The following SERPINI1 variants were observed in gnomAD, a reference collection of about 807,000 sequenced individuals.
The protein encoded by SERPINI1 is neuroserpin.
In SERPINI1, 19 loss-of-function variants were observed where a neutral mutation model predicts 41.1. That is an observed-to-expected ratio of 0.46 (90% CI 0.32 to 0.68). The LOEUF (loss-of-function observed/expected upper bound fraction) is 0.68. Ranked by LOEUF, SERPINI1 falls within the 30% of genes least tolerant of loss-of-function variation. The pLI is 0.03. For missense variants in SERPINI1, 460 were observed against 479.2 expected, an observed-to-expected ratio of 0.96 and a Z score of 0.37; for synonymous variants, 138 against 156.6, an observed-to-expected ratio of 0.88 and a Z score of 0.89.
intron 1 of SERPINI1, among the ~76,000 whole-genome samples, chr3:167,762,334 C>T (rs1308883623): frequency 1.3e-5 from 2 of 152,088 alleles, no homozygotes; most frequent in Non-Finnish European, 2.9e-5. Context: ...TAGATCATTA[C>T]CCCTAGGAAA....
intron 1 of SERPINI1, among the ~76,000 whole-genome samples, chr3:167,788,206 C>T (rs1727375582): frequency 1.3e-5 from 2 of 152,128 alleles, no homozygotes; most frequent in South Asian, 4.1e-4. Context: ...GAAGACAGGG[C>T]TTCTGGAACA....
rs1711548666 is a variant in SERPINI1 at position 167,804,395 on chromosome 3, G to A, written c.882-2849G>A. On this transcript the variant is annotated intron_variant, in intron 5 of 8. Coordinates refer to ENST00000446050, the MANE Select transcript of SERPINI1 (RefSeq NM_001122752.2). The stretch of plus-strand genomic sequence containing the variant: ...TGTTGACTATCACGGACTTATCTCT[G>A]TTAAGAGAACAACCTATTGCCTTAA... Among the ~76,000 whole-genome samples, 4 of 152,256 alleles carry A rather than the reference G, an allele frequency of 2.6e-5. No individual in the cohort carries two copies. In the South Asian group the frequency reaches 8.3e-4, roughly 32 times the overall value.
At chr3:167,781,634 C>CTTTT (rs757785091) in intron 1 of SERPINI1, among the ~76,000 whole-genome samples, 30 of 81,742 alleles carry the variant, frequency 3.7e-4, no homozygotes, top group Middle Eastern at 6.8e-3. Context: ...TTCTTTTGGC[C>CTTTT]TTTTTTTTTT....
intron 6 of SERPINI1, among the ~76,000 whole-genome samples, chr3:167,816,343 G>A (rs1712089407): frequency 6.6e-6 from 1 of 152,170 alleles, no homozygotes; most frequent in Admixed American, 6.5e-5. Flanking sequence ...ACAATGCCCG[G>A]CCTATTACAA....
intron 1 of SERPINI1, among the ~76,000 whole-genome samples, chr3:167,744,661 TA>T (rs1267741993): frequency 1.6e-5 from 2 of 121,424 alleles, no homozygotes; most frequent in Non-Finnish European, 3.2e-5. Context: ...TATATAAATA[TA>T]AAAATATATA....
intron 2 of SERPINI1, among the ~76,000 whole-genome samples, chr3:167,790,166 A>G (rs905412178): frequency 1.3e-5 from 2 of 152,206 alleles, no homozygotes; most frequent in African/African-American, 4.8e-5. Context: ...TAATATCAGT[A>G]GATGATATTA....
chr3:167,823,999 A>G (rs754226457), intron 7 of SERPINI1, among the ~76,000 whole-genome samples: 1 of 152,208 alleles, frequency 6.6e-6, no homozygotes, highest in Non-Finnish European at 1.5e-5. Context: ...ACCACTTACT[A>G]GAAACCTGGT....
intron 6 of SERPINI1, among the ~76,000 whole-genome samples, chr3:167,810,379 A>T (rs1296524614): frequency 6.6e-6 from 1 of 152,172 alleles, no homozygotes; most frequent in Non-Finnish European, 1.5e-5. Flanking sequence ...TCAATATATT[A>T]CAGGTTTGGC....
At chr3:167,739,637 G>A (rs1725603579) in intron 1 of SERPINI1, among the ~76,000 whole-genome samples, 3 of 151,942 alleles carry the variant, frequency 2.0e-5, no homozygotes, top group South Asian at 2.1e-4. Context: ...TAACCTCAAG[G>A]CCCTGGAGTT....
chr3:167,822,419 A>G (rs1337429278), intron 6 of SERPINI1, among the ~76,000 whole-genome samples: 2 of 152,222 alleles, frequency 1.3e-5, no homozygotes, highest in Non-Finnish European at 2.9e-5. Context: ...ATTTCCTCTT[A>G]TCTTAGGATA....
intron 1 of SERPINI1, among the ~76,000 whole-genome samples, chr3:167,751,394 GC>G (rs1335255757): frequency 6.6e-6 from 1 of 152,120 alleles, no homozygotes; most frequent in African/African-American, 2.4e-5. Flanking sequence ...AAATGAGGTA[GC>G]CCTGTAATTA....
chr3:167,766,288 T>A (rs1726564871), intron 1 of SERPINI1, among the ~76,000 whole-genome samples: 1 of 145,380 alleles, frequency 6.9e-6, no homozygotes, highest in African/African-American at 2.5e-5. Context: ...GGCTTCACAA[T>A]CATGGCAGAA....
chr3:167,788,993 T>C lies in SERPINI1; in HGVS notation c.-18-118T>C, dbSNP rs531932775. ...GAGAATCCTCAGAACTTAGCAGTGT[T>C]ATTTGTTCATTTAACTGTTAATTGA... is the stretch of plus-strand genomic sequence containing the variant. On this transcript the variant is annotated intron_variant, in intron 1 of 8. Transcript: ENST00000446050. The C allele has an allele frequency of 4.6e-4, 433 of 931,488 alleles. 1 individual carries two copies. Among genetic ancestry groups the C allele is most frequent in the Non-Finnish European group, 6.4e-4 (392 of 612,734 alleles). The allele number at this position is 931,488 out of a possible 1,614,324, so 57.7% of individuals were successfully genotyped here. A position where few individuals can be genotyped will look rare whatever the true frequency, so the allele number is the denominator to read the frequency against.
chr3:167,740,708 G>C (rs186044567), intron 1 of SERPINI1, among the ~76,000 whole-genome samples: 1 of 152,102 alleles, frequency 6.6e-6, no homozygotes, highest in Non-Finnish European at 1.5e-5. Context: ...GCAAACTTGC[G>C]CGCGCGCTTG....
intron 5 of SERPINI1, among the ~76,000 whole-genome samples, chr3:167,795,098 A>G (rs16851466): frequency 0.13 from 19,229 of 152,086 alleles, 1,463 homozygotes; most frequent in African/African-American, 0.21. Flanking sequence ...ATCGAGACCT[A>G]GTTTCAGATA....
chr3:167,758,490 G>A (rs1409052767), intron 1 of SERPINI1, among the ~76,000 whole-genome samples: 1 of 152,134 alleles, frequency 6.6e-6, no homozygotes, highest in Non-Finnish European at 1.5e-5. Context: ...AAAGAATGAT[G>A]GAAATAGAAA....
chr3:167,795,971 A>T (rs1727698074), intron 5 of SERPINI1, among the ~76,000 whole-genome samples: 1 of 152,176 alleles, frequency 6.6e-6, no homozygotes, highest in Admixed American at 6.6e-5. Flanking sequence ...GTGAAAGTAC[A>T]GTTAAAACAC....
chr3:167,763,557 A>G (rs1199389752), intron 1 of SERPINI1, among the ~76,000 whole-genome samples: 1 of 152,136 alleles, frequency 6.6e-6, no homozygotes, highest in Non-Finnish European at 1.5e-5. Context: ...TTTATCTTGT[A>G]TCTTTGGTGG....
At chr3:167,783,989 A>C (rs1370227314) in intron 1 of SERPINI1, among the ~76,000 whole-genome samples, 7 of 152,188 alleles carry the variant, frequency 4.6e-5, no homozygotes, top group Admixed American at 1.3e-4. Context: ...CCTGCTGCCC[A>C]CTGCCCTGGC....
Sources: allele counts gnomAD v4.1 joint callset (sites outside exome capture counted in the v4.1 genomes callset), GRCh38; gene constraint gnomAD v4.1.1; transcripts MANE v1.5; gene names NCBI Gene and HGNC (gene_info 2026-07-23, HGNC 2026-07-21).